AMPH: variants seen among roughly 807,000 people sequenced by gnomAD.
The protein encoded by AMPH is amphiphysin, also known as amphiphysin (Stiff-Mann syndrome with breast cancer 128kD autoantigen).
In AMPH, 49 loss-of-function variants were observed where a neutral mutation model predicts 99.1. That is an observed-to-expected ratio of 0.49 (90% CI 0.39 to 0.63). AMPH has a LOEUF of 0.63. AMPH is among the 20% of genes least tolerant of loss of function. AMPH has a pLI of 0.00. For synonymous variants in AMPH, 314 were observed against 317.3 expected (o/e 0.99, Z 0.11); for missense variants, 759 against 863.4 (o/e 0.88, Z 1.52).
In AMPH at chr7:38,532,740, GA is replaced by G. The variant is rs34900203; in HGVS notation, c.150+2190del. ...CACCTGGGGCAGTCAAGAAAGCTGG[GA>G]AAAAAAAAAAAACAATGAAAATTCA... On this transcript the variant is annotated intron_variant, in intron 2 of 20. Transcript: ENST00000356264. 3.7e-3 allele frequency among the ~76,000 whole-genome samples: 488 copies of G among 132,448 alleles called. 6 individuals are homozygous for G. Among genetic ancestry groups the G allele is most frequent in the South Asian group, 0.026 (107 of 4,114 alleles). 86.9% of individuals were successfully genotyped at this position (132,448 alleles called of 152,430 possible). A position where few individuals can be genotyped will look rare whatever the true frequency, so the allele number is the denominator to read the frequency against.
At chr7:38,403,439 T>G (rs1042029313) in intron 17 of AMPH, among the ~76,000 whole-genome samples, 1 of 152,188 alleles carries the variant, frequency 6.6e-6, no homozygotes, top group Non-Finnish European at 1.5e-5. Context: ...CTCCTCCAGG[T>G]GCACTCGGAC....
At chr7:38,605,076 G>T (rs555666397) in intron 1 of AMPH, among the ~76,000 whole-genome samples, 2 of 58,842 alleles carry the variant, frequency 3.4e-5, no homozygotes, top group Non-Finnish European at 7.0e-5. Context: ...CTTCAGTGAA[G>T]TCTGAAGCCT....
chr7:38,602,395 G>A (rs1163524162), intron 1 of AMPH, among the ~76,000 whole-genome samples: 3 of 152,198 alleles, frequency 2.0e-5, no homozygotes, highest in Non-Finnish European at 4.4e-5. Flanking sequence ...GTCTTACCAG[G>A]CTAACATCGA....
intron 2 of AMPH, among the ~76,000 whole-genome samples, chr7:38,514,490 C>T (rs1354074173): frequency 2.0e-5 from 3 of 152,158 alleles, no homozygotes; most frequent in South Asian, 4.1e-4. Flanking sequence ...AATGTCCCTG[C>T]CAAAACTCAT....
Position 38,408,747 on chromosome 7 carries a change from T to C in AMPH, c.1398+9078A>G, listed in dbSNP as rs1486408012. On this transcript the variant is annotated intron_variant, in intron 17 of 20. Coordinates refer to ENST00000356264, the MANE Select transcript of AMPH (RefSeq NM_001635.4). ...GCCTGGGTGACAGAGCGAGACTCCA[T>C]CACAAAAAAAAAAAAAAAAAAAGAA... is the stretch of plus-strand genomic sequence containing the variant. Among the ~76,000 whole-genome samples the C allele has an allele frequency of 8.0e-3, 307 of 38,574 alleles. 2 individuals are homozygous for C. Among genetic ancestry groups the C allele is most frequent in the Non-Finnish European group, 0.013 (255 of 19,338 alleles). The allele number at this position is 38,574 out of a possible 152,430, so 25.3% of individuals were successfully genotyped here.
At chr7:38,619,536 C>G (rs1392576911) in intron 1 of AMPH, among the ~76,000 whole-genome samples, 1 of 152,200 alleles carries the variant, frequency 6.6e-6, no homozygotes, top group African/African-American at 2.4e-5. Flanking sequence ...CATCCTAACA[C>G]ACATCTATAG....
chr7:38,485,161 C>G (rs1200915681), intron 5 of AMPH, among the ~76,000 whole-genome samples: 1 of 151,754 alleles, frequency 6.6e-6, no homozygotes, highest in Non-Finnish European at 1.5e-5. Flanking sequence ...TAATTAAATT[C>G]CCAGTCAAAA....
chr7:38,471,837 C>T (rs989597069), intron 7 of AMPH, among the ~76,000 whole-genome samples: 2 of 151,950 alleles, frequency 1.3e-5, no homozygotes, highest in Admixed American at 6.6e-5. Context: ...GCTTGAATGG[C>T]TATAGTAATA....
chr7:38,407,076 ATGTGTGTGTG>A (rs70975098), intron 17 of AMPH, among the ~76,000 whole-genome samples: 1,228 of 19,558 alleles, frequency 0.063, 64 homozygotes, highest in South Asian at 0.085. Context: ...ATATATATAT[ATGTGTGTGTG>A]TGTGTGTGTG....
chr7:38,564,039 T>C (rs1791644775), intron 1 of AMPH, among the ~76,000 whole-genome samples: 1 of 152,250 alleles, frequency 6.6e-6, no homozygotes, highest in Non-Finnish European at 1.5e-5. Context: ...TCCAACTTTT[T>C]ACAATAATGA....
rs115521317 is a variant in AMPH at position 38,408,455 on chromosome 7, T to C, written c.1398+9370A>G. 5.6e-3 allele frequency among the ~76,000 whole-genome samples: 850 copies of C among 152,286 alleles called. 12 individuals carry two copies. The highest frequency in any genetic ancestry group is 0.019 in the African/African-American group (802 of 41,544). On this transcript the variant is annotated intron_variant, in intron 17 of 20. Transcript: ENST00000356264. ...AAAAGATATCAAGAAGAGTTTGGTT[T>C]GATAGAATTTCTCCACATTACTTAG...
chr7:38,491,724 T>G (rs946633719), intron 4 of AMPH, among the ~76,000 whole-genome samples: 1 of 152,240 alleles, frequency 6.6e-6, no homozygotes, highest in Non-Finnish European at 1.5e-5. Flanking sequence ...GAGAAAAGAC[T>G]TTGTTATTTC....
intron 5 of AMPH, among the ~76,000 whole-genome samples, chr7:38,477,728 T>C (rs906594168): frequency 1.3e-5 from 2 of 151,778 alleles, no homozygotes; most frequent in African/African-American, 4.8e-5. Context: ...ACAAAAAGCT[T>C]TAAGCCGCTT....
At chr7:38,574,151 C>T (rs977895859) in intron 1 of AMPH, among the ~76,000 whole-genome samples, 11 of 152,320 alleles carry the variant, frequency 7.2e-5, no homozygotes, top group African/African-American at 2.6e-4. Flanking sequence ...ATTACTGAAT[C>T]ATCTTGATTT....
chr7:38,411,031 C>A (rs1785201338), intron 17 of AMPH, among the ~76,000 whole-genome samples: 1 of 152,202 alleles, frequency 6.6e-6, no homozygotes, highest in African/African-American at 2.4e-5. Flanking sequence ...AAAACCTCCT[C>A]TTTTTAAAAG....
At chr7:38,499,832 T>C (rs1201164330) in intron 3 of AMPH, among the ~76,000 whole-genome samples, 1 of 152,130 alleles carries the variant, frequency 6.6e-6, no homozygotes, top group Non-Finnish European at 1.5e-5. Flanking sequence ...GTTTCTCCCG[T>C]GCTGTTCTCG....
intron 13 of AMPH, among the ~76,000 whole-genome samples, chr7:38,431,103 C>T (rs1217815451): frequency 2.0e-5 from 3 of 152,212 alleles, no homozygotes; most frequent in Non-Finnish European, 4.4e-5. Flanking sequence ...TGTGACCAAT[C>T]ACCTAATTTC....
chr7:38,479,250 C>A (rs2129015685), intron 5 of AMPH, among the ~76,000 whole-genome samples: 1 of 152,004 alleles, frequency 6.6e-6, no homozygotes, highest in South Asian at 2.1e-4. Flanking sequence ...CTTCAGAAAC[C>A]ATGCAAACCA....
intron 1 of AMPH, among the ~76,000 whole-genome samples, chr7:38,566,301 G>T (rs1584252357): frequency 1.1e-5 from 1 of 87,608 alleles, no homozygotes; most frequent in South Asian, 3.2e-4. Context: ...CTTTTGTCTT[G>T]TTTATTGTTT....
Sources: allele counts gnomAD v4.1 joint callset (sites outside exome capture counted in the v4.1 genomes callset), GRCh38; gene constraint gnomAD v4.1.1; transcripts MANE v1.5; gene names NCBI Gene and HGNC (gene_info 2026-07-23, HGNC 2026-07-21).